Variants in RAB27B observed in about 807,000 individuals in gnomAD.
RAB27B encodes the protein ras-related protein Rab-27B.
Under a neutral mutation model 24.6 loss-of-function variants are expected in RAB27B, and 15 were observed. That is an observed-to-expected ratio of 0.61 (90% CI 0.41 to 0.94). RAB27B has a LOEUF of 0.94. Ranked by LOEUF, RAB27B falls within the 40% of genes least tolerant of loss-of-function variation. The pLI is 0.00. For missense variants in RAB27B, 261 were observed against 266.8 expected (o/e 0.98, Z 0.15); for synonymous variants, 105 against 92.5 (o/e 1.14, Z -0.78).
chr18:54,858,991 T>C (rs1911901504), intron 1 of RAB27B, among the ~76,000 whole-genome samples: 1 of 152,160 alleles, frequency 6.6e-6, no homozygotes, highest in Non-Finnish European at 1.5e-5. Flanking sequence ...CTTAATGTAG[T>C]AAGTTATATG....
At chr18:54,731,759 G>T (rs190592353) in intron 2 of RAB27B, among the ~76,000 whole-genome samples, 2 of 152,260 alleles carry the variant, frequency 1.3e-5, no homozygotes, top group East Asian at 3.9e-4. Flanking sequence ...TTACAAAAAT[G>T]TACTAGGTTC....
At chr18:54,749,679 T>C (rs898777000) in intron 2 of RAB27B, among the ~76,000 whole-genome samples, 1 of 152,188 alleles carries the variant, frequency 6.6e-6, no homozygotes, top group African/African-American at 2.4e-5. Flanking sequence ...TAAAAGCTAC[T>C]GAGTGGGATA....
intron 1 of RAB27B, among the ~76,000 whole-genome samples, chr18:54,863,175 G>GTA (rs1239463400): frequency 1.3e-5 from 2 of 152,046 alleles, no homozygotes; most frequent in East Asian, 3.9e-4. Flanking sequence ...ACCTGATTAA[G>GTA]TATATATGTG....
intron 1 of RAB27B, among the ~76,000 whole-genome samples, chr18:54,830,087 A>G (rs1910617043): frequency 6.6e-6 from 1 of 152,190 alleles, no homozygotes; most frequent in Non-Finnish European, 1.5e-5. Flanking sequence ...GGATAAAGGG[A>G]ATCTGTTGAA....
In RAB27B at chr18:54,881,395, C is replaced by T. The variant is rs75283503; in HGVS notation, c.239+1941C>T. Among the ~76,000 whole-genome samples, 180 of 151,884 alleles carry T rather than the reference C, an allele frequency of 1.2e-3. 4 individuals are homozygous for T. In the East Asian group the frequency reaches 0.031, roughly 26 times the overall value. On this transcript the variant is annotated intron_variant, in intron 3 of 5. Transcript: ENST00000262094. ...TCTCTGCATTCTATCTCAGGGGTCA[C>T]GTGTGGAAATTCAAGGGGAGTTAGT...
At chr18:54,883,620 G>A (rs1250954768) in intron 3 of RAB27B, among the ~76,000 whole-genome samples, 1 of 152,022 alleles carries the variant, frequency 6.6e-6, no homozygotes, top group Non-Finnish European at 1.5e-5. Flanking sequence ...AGCTGACCAG[G>A]CAGGGAAAAA....
intron 2 of RAB27B, among the ~76,000 whole-genome samples, chr18:54,764,341 T>A (rs1349479776): frequency 2.0e-5 from 3 of 152,198 alleles, no homozygotes; most frequent in Non-Finnish European, 4.4e-5. Context: ...CCAGACTTTG[T>A]AATTCAATTC....
chr18:54,761,153 G>C (rs953214825), intron 2 of RAB27B, among the ~76,000 whole-genome samples: 4 of 152,034 alleles, frequency 2.6e-5, no homozygotes, highest in Non-Finnish European at 5.9e-5. Flanking sequence ...AGCTTAAATT[G>C]ATACCAGAGC....
intron 2 of RAB27B, among the ~76,000 whole-genome samples, chr18:54,773,485 A>G (rs1235951433): frequency 6.6e-6 from 1 of 152,160 alleles, no homozygotes; most frequent in African/African-American, 2.4e-5. Flanking sequence ...TCATTCTATG[A>G]TGCAGTATGA....
At chr18:54,843,579 A>T (rs1187342711) in intron 1 of RAB27B, among the ~76,000 whole-genome samples, 2 of 152,206 alleles carry the variant, frequency 1.3e-5, no homozygotes, top group African/African-American at 4.8e-5. Context: ...AATCAAAATA[A>T]ACCACACTGG....
chr18:54,764,931 A>T (rs1216742827), intron 2 of RAB27B, among the ~76,000 whole-genome samples: 1 of 152,114 alleles, frequency 6.6e-6, no homozygotes, highest in Non-Finnish European at 1.5e-5. Context: ...GTGTCATTTT[A>T]CTTCCCAAGC....
At chr18:54,748,595 A>C (rs1178971960) in intron 2 of RAB27B, among the ~76,000 whole-genome samples, 1 of 152,168 alleles carries the variant, frequency 6.6e-6, no homozygotes, top group Non-Finnish European at 1.5e-5. Flanking sequence ...TAAAATGCAG[A>C]TAGATGGACC....
intron 2 of RAB27B, among the ~76,000 whole-genome samples, chr18:54,760,658 A>G (rs1322992535): frequency 6.6e-6 from 1 of 152,128 alleles, no homozygotes; most frequent in Non-Finnish European, 1.5e-5. Flanking sequence ...TGATGTGCAA[A>G]TTGATGCTAC....
intron 2 of RAB27B, among the ~76,000 whole-genome samples, chr18:54,752,188 T>C (rs1907854722): frequency 6.6e-6 from 1 of 152,206 alleles, no homozygotes; most frequent in East Asian, 1.9e-4. Flanking sequence ...ATTTTAAAAT[T>C]GTAAGCTGAC....
At chr18:54,833,409 T>C (rs924234959) in intron 1 of RAB27B, among the ~76,000 whole-genome samples, 10 of 152,018 alleles carry the variant, frequency 6.6e-5, no homozygotes, top group African/African-American at 2.2e-4. Context: ...GTATTTTTAG[T>C]AGAGGTAGGG....
At chr18:54,846,135 C>T (rs1911327097) in intron 1 of RAB27B, among the ~76,000 whole-genome samples, 1 of 152,054 alleles carries the variant, frequency 6.6e-6, no homozygotes, top group Non-Finnish European at 1.5e-5. Context: ...TCTAATGTTC[C>T]TAAAGGCAAG....
intron 3 of RAB27B, among the ~76,000 whole-genome samples, chr18:54,882,653 G>A (rs1326152814): frequency 6.6e-6 from 1 of 152,160 alleles, no homozygotes; most frequent in Non-Finnish European, 1.5e-5. Context: ...CTAAGACTAA[G>A]TAACCCACAG....
At chr18:54,814,640 A>C (rs1910067122) in intron 2 of RAB27B, among the ~76,000 whole-genome samples, 1 of 152,202 alleles carries the variant, frequency 6.6e-6, no homozygotes, top group Non-Finnish European at 1.5e-5. Context: ...GTAGATGATA[A>C]AAAGGCAAGG....
intron 2 of RAB27B, among the ~76,000 whole-genome samples, chr18:54,803,615 G>T (rs73960640): frequency 1.3e-5 from 2 of 152,180 alleles, no homozygotes. Flanking sequence ...GCAAGCAAGA[G>T]ATGATGGATG....
Sources: allele counts gnomAD v4.1 joint callset (sites outside exome capture counted in the v4.1 genomes callset), GRCh38; gene constraint gnomAD v4.1.1; transcripts MANE v1.5; gene names NCBI Gene and HGNC (gene_info 2026-07-23, HGNC 2026-07-21).